The following PLOD1 variants were observed in gnomAD, a reference collection of about 807,000 sequenced individuals.
The protein encoded by PLOD1 is lysine hydroxylase.
A neutral mutation model predicts 94.7 loss-of-function variants in PLOD1; 70 were observed. That is an observed-to-expected ratio of 0.74 (90% CI 0.61 to 0.90). PLOD1 has a LOEUF of 0.90. Ranked by LOEUF, PLOD1 falls within the 40% of genes least tolerant of loss-of-function variation. PLOD1 has a pLI of 0.00. For missense variants in PLOD1, 905 were observed against 972.7 expected, an observed-to-expected ratio of 0.93 and a Z score of 0.93; for synonymous variants, 417 against 400.2, an observed-to-expected ratio of 1.04 and a Z score of -0.50.
intron 6 of PLOD1, 137 bp downstream of exon 6, chr1:11,955,030 A>C: frequency 2.9e-6 from 2 of 682,952 alleles, no homozygotes; most frequent in Non-Finnish European, 5.3e-6. Flanking sequence ...CCTCATCCCC[A>C]GGTCCCCAGG....
At chr1:11,935,849 T>C (rs1645574540) in intron 1 of PLOD1, among the ~76,000 whole-genome samples, 1 of 152,124 alleles carries the variant, frequency 6.6e-6, no homozygotes, top group South Asian at 2.1e-4. Flanking sequence ...GGTCTTGAAC[T>C]TCTGACCTCT....
chr1:11,958,434 A>G lies in PLOD1; in HGVS notation c.844-82A>G. On this transcript the variant is annotated intron_variant, in intron 8 of 18. Coordinates refer to ENST00000196061, the MANE Select transcript of PLOD1 (RefSeq NM_000302.4). This position sits in a 1 kb window ranked among gnomAD's most constrained non-coding sequence, Gnocchi z 4.3. Reference sequence around the variant, plus strand: ...CTACATGCTTCTGATTCTGGCTCTGACTCCCTTGGGCCACCCTGGGGTGGA... The same window carrying G: ...CTACATGCTTCTGATTCTGGCTCTGGCTCCCTTGGGCCACCCTGGGGTGGA... 1 of 1,505,914 alleles carries G rather than the reference A, an allele frequency of 6.6e-7. No individual in the cohort carries two copies. Among genetic ancestry groups the G allele is most frequent in the Non-Finnish European group, 9.1e-7 (1 of 1,096,400 alleles). The allele number at this position is 1,505,914 out of a possible 1,614,324, so 93.3% of individuals were successfully genotyped here. A position where few individuals can be genotyped will look rare whatever the true frequency, so the allele number is the denominator to read the frequency against.
chr1:11,963,642 G>T lies in PLOD1; in HGVS notation c.1202+6G>T. 1 of 1,574,598 alleles carries T rather than the reference G, an allele frequency of 6.4e-7. No homozygotes were observed. The highest frequency in any genetic ancestry group is 8.6e-7 in the Non-Finnish European group (1 of 1,157,028). ...CTGCTGATCCAACAGAACAAGTGAG[G>T]CTGCTCCGTCTGCACCCAGCACTGC... is the stretch of plus-strand genomic sequence containing the variant. On this transcript the variant is annotated splice_donor_region_variant and intron_variant, in intron 11 of 18. Transcript: ENST00000196061. This position sits in a 1 kb window ranked among gnomAD's most constrained non-coding sequence, Gnocchi z 4.3.
intron 10 of PLOD1, among the ~76,000 whole-genome samples, chr1:11,961,020 G>A (rs1645774662): frequency 1.3e-5 from 2 of 152,036 alleles, no homozygotes; most frequent in Non-Finnish European, 2.9e-5. Context: ...GAAAGAGGAA[G>A]GACTGGGGGC....
In PLOD1 at chr1:11,963,477, A is replaced by G; in HGVS notation, c.1098-55A>G. The stretch of plus-strand genomic sequence containing the variant: ...CCAGACTGTGGTCACAGATGTGAGC[A>G]GCCACCAGTAGCTCCAGGATCAGGT... On this transcript the variant is annotated intron_variant, in intron 10 of 18. Coordinates refer to ENST00000196061, the MANE Select transcript of PLOD1 (RefSeq NM_000302.4). The surrounding 1 kb of genome is among the most constrained non-coding windows in gnomAD (Gnocchi z 4.3). The G allele has an allele frequency of 3.4e-6, 4 of 1,159,570 alleles. No individual in the cohort carries two copies. The highest frequency in any genetic ancestry group is 3.8e-6 in the Non-Finnish European group (3 of 786,936). 71.8% of individuals were successfully genotyped at this position (1,159,570 alleles called of 1,614,324 possible). A position where few individuals can be genotyped will look rare whatever the true frequency, so the allele number is the denominator to read the frequency against.
chr1:11,943,135 G>A (rs770304243), intron 1 of PLOD1, among the ~76,000 whole-genome samples: 3 of 151,994 alleles, frequency 2.0e-5, no homozygotes, highest in East Asian at 3.9e-4. Flanking sequence ...ACAGGCTCCC[G>A]CCCACCACCA....
intron 18 of PLOD1, among the ~76,000 whole-genome samples, chr1:11,973,356 T>C (rs1002537116): frequency 6.6e-6 from 1 of 151,902 alleles, no homozygotes; most frequent in African/African-American, 2.4e-5. Flanking sequence ...AAAAATTAGC[T>C]GGGCGTGGTA....
In PLOD1 at chr1:11,964,200, C is replaced by G. The variant is rs559232378; in HGVS notation, c.1228C>G (p.Arg410Gly). 5 of 1,613,330 alleles carry G rather than the reference C, an allele frequency of 3.1e-6. No homozygotes were observed. In the African/African-American group the frequency reaches 6.7e-5, roughly 22 times the overall value. The change falls in exon 12 of 19, where the codon CGG (arginine) becomes GGG (glycine). Residue 410 changes from arginine (R) to glycine (G), a missense_variant. By Grantham distance (125) the Arg-to-Gly change is moderately radical. Transcript: ENST00000196061. ...GAACGTCATTGCCCCGCTGATGACCCGGCATGGGAGGCTGTGGTCGAACTT... is the reference window on the plus strand; with the variant it reads ...GAACGTCATTGCCCCGCTGATGACCGGGCATGGGAGGCTGTGGTCGAACTT... ...NKNVIAPLMT[R>G]HGRLWSNFWG... is the part of the protein sequence containing the mutation.
At chr1:11,974,130 A>G (rs1309453534) in intron 18 of PLOD1, among the ~76,000 whole-genome samples, 3 of 152,014 alleles carry the variant, frequency 2.0e-5, no homozygotes, top group African/African-American at 7.3e-5. Flanking sequence ...ACAGTTAGTA[A>G]AGAGTGGAGG....
At chr1:11,935,307 C>G (rs1645570476) in intron 1 of PLOD1, among the ~76,000 whole-genome samples, 1 of 152,058 alleles carries the variant, frequency 6.6e-6, no homozygotes, top group African/African-American at 2.4e-5. Context: ...ACCCCACCCA[C>G]CCAGGTGTCT....
intron 4 of PLOD1, 102 bp downstream of exon 4, chr1:11,950,622 G>T (rs149681296): frequency 3.9e-6 from 4 of 1,022,002 alleles, no homozygotes; most frequent in South Asian, 1.4e-5. Flanking sequence ...TGTCTCACAG[G>T]TCTCCAGTGC....
chr1:11,965,522 C>G lies in PLOD1; in HGVS notation c.1513C>G (p.Leu505Val). The stretch of plus-strand genomic sequence containing the variant: ...GACCAACCGGCACACCCTTGGCCAT[C>G]TGCTCTCCCTAGACAGCTACCGCAC... ...FLTNRHTLGH[L>V]LSLDSYRTTH... The change falls in exon 14 of 19, where the codon CTG (leucine) becomes GTG (valine). Residue 505 changes from leucine (L) to valine (V), a missense_variant. Physicochemically the swap from Leu to Val is conservative, Grantham distance 32. Transcript: ENST00000196061. 1 of 1,613,814 alleles carries G rather than the reference C, an allele frequency of 6.2e-7. No homozygotes were observed. The highest frequency in any genetic ancestry group is 8.5e-7 in the Non-Finnish European group (1 of 1,179,930).
chr1:11,964,323 T>TGGGG, intron 12 of PLOD1, 23 bp downstream of exon 12: 1 of 274,722 alleles, frequency 3.6e-6, no homozygotes, highest in Non-Finnish European at 7.3e-6. Context: ...AGGGTGGGGG[T>TGGGG]GGGTGGGGGA....
rs753994916 is a variant in PLOD1 at position 11,957,874 on chromosome 1, G to A, written c.774G>A (p.Pro258=). ...LQLNYLGNYI[P]RFWTFETGCT... is the part of the protein sequence containing the mutation. ...TGAACTACCTGGGCAACTACATCCC[G>A]CGCTTCTGGACCTTCGAAACAGGCT... Residue 258 remains proline (P), a synonymous_variant, in exon 8 of 19, where the codon CCG becomes CCA. Coordinates refer to ENST00000196061, the MANE Select transcript of PLOD1 (RefSeq NM_000302.4). The surrounding 1 kb of genome is among the most constrained non-coding windows in gnomAD (Gnocchi z 4.1). 33 of 1,614,082 alleles carry A rather than the reference G, an allele frequency of 2.0e-5. No individual in the cohort carries two copies. The highest frequency in any genetic ancestry group is 3.3e-5 in the Admixed American group (2 of 60,018).
Position 11,957,193 on chromosome 1 carries a change from G to A in PLOD1, c.741+179G>A, listed in dbSNP as rs927703958. On this transcript the variant is annotated intron_variant, in intron 7 of 18. Transcript: ENST00000196061. This position sits in a 1 kb window ranked among gnomAD's most constrained non-coding sequence, Gnocchi z 4.1. ...TGATGCCTTCTTTTCCTGCTGTGGT[G>A]GTCAGTGGTACTCTGTCTGTTCTTG... 2.6e-6 allele frequency: 2 copies of A among 760,832 alleles called. No homozygotes were observed. Among genetic ancestry groups the A allele is most frequent in the African/African-American group, 1.7e-5 (1 of 58,726 alleles). 47.1% of individuals were successfully genotyped at this position (760,832 alleles called of 1,614,324 possible). A position where few individuals can be genotyped will look rare whatever the true frequency, so the allele number is the denominator to read the frequency against.
intron 1 of PLOD1, among the ~76,000 whole-genome samples, chr1:11,940,638 C>T (rs999739652): frequency 4.6e-5 from 7 of 152,188 alleles, no homozygotes; most frequent in Non-Finnish European, 7.3e-5. Flanking sequence ...TTCTGCTGAT[C>T]CTGGATCACG....
In PLOD1 at chr1:11,958,609, T is replaced by C; in HGVS notation, c.937T>C (p.Tyr313His). ...CTTCCAGCGGCTCCTGCGGCTCCAC[T>C]ACCCCCAGAAACACATGCGACTTTT... ...LFFQRLLRLHYPQKHMRLFIH... is the reference protein window; with the variant it reads ...LFFQRLLRLHHPQKHMRLFIH... The change falls in exon 9 of 19, where the codon TAC (tyrosine) becomes CAC (histidine). Residue 313 changes from tyrosine to histidine, a missense_variant. Physicochemically the swap from Tyr to His is moderately conservative, Grantham distance 83 (BLOSUM62 2). Coordinates refer to ENST00000196061, the MANE Select transcript of PLOD1 (RefSeq NM_000302.4). This position sits in a 1 kb window ranked among gnomAD's most constrained non-coding sequence, Gnocchi z 4.3. The C allele has an allele frequency of 6.2e-7, 1 of 1,614,124 alleles. No individual in the cohort carries two copies. The highest frequency in any genetic ancestry group is 1.3e-5 in the African/African-American group (1 of 75,048).
rs1569676605 is a variant in PLOD1 at position 11,945,290 on chromosome 1, T to C, written c.77-2686T>C. Reference sequence around the variant, plus strand: ...TTAGCTGGGCTTGGTGGGGTGCACCTGCAGTCCCTCCCAGCTACCTGGGAG... The same window carrying C: ...TTAGCTGGGCTTGGTGGGGTGCACCCGCAGTCCCTCCCAGCTACCTGGGAG... On this transcript the variant is annotated intron_variant, in intron 1 of 18. Coordinates refer to ENST00000196061, the MANE Select transcript of PLOD1 (RefSeq NM_000302.4). Among the ~76,000 whole-genome samples the C allele has an allele frequency of 2.6e-5, 4 of 152,074 alleles. No homozygotes were observed. In the South Asian group the frequency reaches 8.3e-4, roughly 32 times the overall value.
At chr1:11,964,389 T>C in intron 12 of PLOD1, 89 bp downstream of exon 12, 11 of 1,357,136 alleles carry the variant, frequency 8.1e-6, no homozygotes, top group Non-Finnish European at 1.1e-5. Flanking sequence ...TTATTCCTGT[T>C]CTTGTTACCC....
Sources: gnomAD v4.1 joint callset for allele counts (sites outside exome capture counted in the v4.1 genomes callset) on GRCh38, gnomAD v4.1.1 for gene constraint, Gnocchi (gnomAD v3.1) non-coding constraint, MANE v1.5 for transcripts, NCBI Gene and HGNC (gene_info 2026-07-23, HGNC 2026-07-21) for gene names.